GUCY2C: variants seen among roughly 807,000 people sequenced by gnomAD.
GUCY2C encodes the protein guanylate cyclase 2C, also known as guanylyl cyclase C.
Under a neutral mutation model 131.1 loss-of-function variants are expected in GUCY2C, and 118 were observed. The ratio of observed to expected loss-of-function variants is 0.90; its 90% CI spans 0.78 to 1.05. The LOEUF (loss-of-function observed/expected upper bound fraction) is 1.05. GUCY2C is among the 50% of genes least tolerant of loss of function. The probability of loss-of-function intolerance (pLI) is 0.00; values close to 1 mark genes in which losing one functional copy is unlikely to be tolerated. For synonymous variants in GUCY2C, 452 were observed against 457.8 expected, an observed-to-expected ratio of 0.99 and a Z score of 0.16; for missense variants, 1,161 against 1,304.4, an observed-to-expected ratio of 0.89 and a Z score of 1.69.
At chr12:14,638,059 A>G (rs1947310386) in intron 19 of GUCY2C, among the ~76,000 whole-genome samples, 1 of 152,230 alleles carries the variant, frequency 6.6e-6, no homozygotes, top group Non-Finnish European at 1.5e-5. Context: ...GGCAAAACTC[A>G]TGAATAAACA....
chr12:14,645,225 T>C lies in GUCY2C; in HGVS notation c.1797+4A>G. Reference sequence around the variant, plus strand: ...CATATTTTCTGTGTGTGTGTTTCTCTTACCTTAGCAATGTCATACAAGACA... The same window carrying C: ...CATATTTTCTGTGTGTGTGTTTCTCCTACCTTAGCAATGTCATACAAGACA... On this transcript the variant is annotated splice_donor_region_variant and intron_variant, in intron 16 of 26. Transcript: ENST00000261170. 1 of 1,453,602 alleles carries C rather than the reference T, an allele frequency of 6.9e-7. No individual in the cohort carries two copies. The highest frequency in any genetic ancestry group is 9.6e-7 in the Non-Finnish European group (1 of 1,038,344). The allele number at this position is 1,453,602 out of a possible 1,614,324, so 90.0% of individuals were successfully genotyped here.
At chr12:14,656,704 G>T in intron 11 of GUCY2C, 87 bp from the exon 12 acceptor site, 1 of 661,334 alleles carries the variant, frequency 1.5e-6, no homozygotes, top group East Asian at 2.6e-5. Context: ...TTAGAACCCT[G>T]GTATGCTCAG....
intron 15 of GUCY2C, among the ~76,000 whole-genome samples, chr12:14,649,683 A>G (rs1947601487): frequency 6.6e-6 from 1 of 152,214 alleles, no homozygotes; most frequent in Non-Finnish European, 1.5e-5. Context: ...GATTAAAGTG[A>G]TCATTTTAAT....
In GUCY2C at chr12:14,614,565, A is replaced by AG. The variant is rs202150378; in HGVS notation, c.3047+301_3047+302insC. On this transcript the variant is annotated intron_variant, in intron 26 of 26. Transcript: ENST00000261170. Reference sequence around the variant, plus strand: ...GATAAAGGATCCACAGTGGAAAAAAAAAAAGGTAGTTTTATACTGAGCCCC... The same window carrying AG: ...GATAAAGGATCCACAGTGGAAAAAAAGAAAAGGTAGTTTTATACTGAGCCCC... The AG allele has an allele frequency of 1.1e-3, 291 of 264,700 alleles. 10 individuals are homozygous for AG. In the East Asian group the frequency reaches 0.022, roughly 20 times the overall value. The allele number at this position is 264,700 out of a possible 1,614,324, so 16.4% of individuals were successfully genotyped here.
intron 19 of GUCY2C, among the ~76,000 whole-genome samples, chr12:14,631,225 T>A (rs185187704): frequency 2.0e-3 from 311 of 152,304 alleles, no homozygotes; most frequent in South Asian, 4.1e-3. Context: ...ATGTCTTTTT[T>A]AAAATTTTTT....
At chr12:14,642,079 G>T (rs1203331047) in intron 17 of GUCY2C, among the ~76,000 whole-genome samples, 1 of 152,012 alleles carries the variant, frequency 6.6e-6, no homozygotes, top group Non-Finnish European at 1.5e-5. Context: ...AGAGACTATG[G>T]CTGATATTTT....
rs777416984 is a variant in GUCY2C, at chr12:14,639,944, ATCT to A, written c.2072_2074del (p.Lys691del). The A allele has an allele frequency of 5.0e-6, 8 of 1,597,958 alleles. No homozygotes were observed. The highest frequency in any genetic ancestry group is 2.7e-5 in the African/African-American group (2 of 74,714). ...TCCATTGGAATTTTCCACTCTGAAAATCTTCTCTGGTTGGGTGAGAAAAATATA... is the reference window on the plus strand; with the variant it reads ...TCCATTGGAATTTTCCACTCTGAAAATCTCTGGTTGGGTGAGAAAAATATA... On this transcript the variant is annotated inframe_deletion, in exon 19 of 27. Transcript: ENST00000261170.
At chr12:14,673,946 C>T (rs903218100) in intron 8 of GUCY2C, among the ~76,000 whole-genome samples, 2 of 152,180 alleles carry the variant, frequency 1.3e-5, no homozygotes, top group Non-Finnish European at 2.9e-5. Context: ...GCACCTGCTG[C>T]CCTCCGAAGC....
chr12:14,652,855 C>T, intron 13 of GUCY2C, 97 bp downstream of exon 13: 1 of 831,380 alleles, frequency 1.2e-6, no homozygotes, highest in South Asian at 1.3e-5. Flanking sequence ...TGGGGACTCC[C>T]ACCATTGTGA....
At chr12:14,671,434 T>A (rs2216232) in intron 9 of GUCY2C, among the ~76,000 whole-genome samples, 148,249 of 152,272 alleles carry the variant, frequency 0.97, 72,289 homozygotes, top group Non-Finnish European at 1. Context: ...CACTGCACCC[T>A]GCCCAATGTT....
intron 10 of GUCY2C, among the ~76,000 whole-genome samples, chr12:14,666,834 A>G (rs1253320749): frequency 6.6e-6 from 1 of 152,118 alleles, no homozygotes; most frequent in East Asian, 1.9e-4. Context: ...TAACTCCTAT[A>G]TTATTGCTTC....
intron 20 of GUCY2C, 62 bp from the exon 21 acceptor site, chr12:14,625,977 A>C: frequency 1.1e-6 from 1 of 945,562 alleles, no homozygotes; most frequent in South Asian, 1.5e-5. Context: ...ACATCCAATA[A>C]AACAATGGAC....
rs973969707 is a variant in GUCY2C at position 14,678,041 on chromosome 12, C to A, written c.831-1070G>T. 2.0e-5 allele frequency among the ~76,000 whole-genome samples: 3 copies of A among 152,100 alleles called. No individual in the cohort carries two copies. In the East Asian group the frequency reaches 5.8e-4, roughly 29 times the overall value. ...ACATTACCTAGGCTGGTCTTGAACT[C>A]CTAGATTCAAGCTATCCTCCCGCCT... On this transcript the variant is annotated intron_variant, in intron 6 of 26. Transcript: ENST00000261170.
intron 26 of GUCY2C, 168 bp downstream of exon 26, chr12:14,614,699 C>A: frequency 1.8e-6 from 1 of 557,446 alleles, no homozygotes; most frequent in Admixed American, 4.2e-5. Context: ...AGGATAATCC[C>A]CTTCTTGCAG....
intron 16 of GUCY2C, 42 bp downstream of exon 16, chr12:14,645,187 T>C (rs764699704): frequency 9.6e-7 from 1 of 1,044,006 alleles, no homozygotes; most frequent in Non-Finnish European, 1.5e-6. Flanking sequence ...TCTGTTTTCT[T>C]ATATTTAATT....
chr12:14,653,021 C>T lies in GUCY2C; in HGVS notation c.1471-7G>A, dbSNP rs770866846. The T allele has an allele frequency of 3.1e-6, 5 of 1,601,486 alleles. No individual in the cohort carries two copies. Among genetic ancestry groups the T allele is most frequent in the Non-Finnish European group, 2.6e-6 (3 of 1,168,586 alleles). ...GTCTTTTGTCATCATCGATCTGGCA[C>T]AAGAAAAGGCTAATTATTCCAGAAG... On this transcript the variant is annotated splice_region_variant and splice_polypyrimidine_tract_variant and intron_variant, in intron 12 of 26. Coordinates refer to ENST00000261170, the MANE Select transcript of GUCY2C (RefSeq NM_004963.4).
chr12:14,679,573 A>G (rs1948306409), intron 6 of GUCY2C, 84 bp downstream of exon 6: 2 of 750,258 alleles, frequency 2.7e-6, no homozygotes, highest in Non-Finnish European at 4.8e-6. Flanking sequence ...GTACAAAGCA[A>G]GAGAAAAGAG....
At chr12:14,679,909 A>G (rs1400489920) in intron 5 of GUCY2C, among the ~76,000 whole-genome samples, 156 bp from the exon 6 acceptor site, 4 of 146,770 alleles carry the variant, frequency 2.7e-5, no homozygotes, top group Non-Finnish European at 6.0e-5. Flanking sequence ...TTTTTTTTTC[A>G]TTTACAATTA....
At chr12:14,649,235 A>T (rs1947589400) in intron 15 of GUCY2C, among the ~76,000 whole-genome samples, 3 of 152,174 alleles carry the variant, frequency 2.0e-5, no homozygotes, top group African/African-American at 7.2e-5. Context: ...CCCAGTAAAA[A>T]CAGGTGTTTT....
Sources: allele counts gnomAD v4.1 joint callset (sites outside exome capture counted in the v4.1 genomes callset), GRCh38; gene constraint gnomAD v4.1.1; transcripts MANE v1.5; gene names NCBI Gene and HGNC (gene_info 2026-07-23, HGNC 2026-07-21).